Variants in ARK2C observed in about 807,000 individuals in gnomAD.
ARK2C encodes the protein arkadia (RNF111) C-terminal like ring finger ubiquitin ligase 2C.
the ARK2C span, among the ~76,000 whole-genome samples, chr18:46,370,128 G>A: frequency 1.3e-5 from 2 of 152,126 alleles, no homozygotes; most frequent in African/African-American, 4.8e-5. Flanking sequence ...ACCAATCTGG[G>A]TCCCCACTTC....
chr18:46,338,087 C>T, the ARK2C span, among the ~76,000 whole-genome samples: 2 of 152,140 alleles, frequency 1.3e-5, no homozygotes, highest in South Asian at 2.1e-4. Flanking sequence ...AACTAGCAAT[C>T]TTGTAGCATT....
the ARK2C span, among the ~76,000 whole-genome samples, chr18:46,444,679 T>C: frequency 1.3e-5 from 2 of 152,008 alleles, no homozygotes; most frequent in African/African-American, 4.8e-5. Flanking sequence ...CACTATGTTT[T>C]CTGGGCTAGC....
the ARK2C span, among the ~76,000 whole-genome samples, chr18:46,380,149 C>T: frequency 2.0e-5 from 3 of 152,224 alleles, no homozygotes; most frequent in East Asian, 1.9e-4. Context: ...TCTCCATCTT[C>T]GTGTCTCTGC....
At chr18:46,445,455 A>G in the ARK2C span, among the ~76,000 whole-genome samples, 5 of 152,282 alleles carry the variant, frequency 3.3e-5, no homozygotes, top group African/African-American at 1.2e-4. Flanking sequence ...CTCTTTGTTC[A>G]ACCTACTAAA....
chr18:46,423,386 TGGAGGCCA>T, the ARK2C span, among the ~76,000 whole-genome samples: 1 of 152,184 alleles, frequency 6.6e-6, no homozygotes, highest in Non-Finnish European at 1.5e-5. Flanking sequence ...CTATTCCCCA[TGGAGGCCA>T]GGAGCTAGTG....
chr18:46,445,306 G>T, the ARK2C span, among the ~76,000 whole-genome samples: 1,112 of 152,116 alleles, frequency 7.3e-3, 17 homozygotes, highest in East Asian at 0.029. Flanking sequence ...AGATCTTCCC[G>T]AATAAGACTC....
At chr18:46,460,904 C>G in the ARK2C span, 13 of 149,442 alleles carry the variant, frequency 8.7e-5, no homozygotes, top group African/African-American at 3.2e-4. Context: ...ACACTTGGCA[C>G]CCCCCCGCCC....
At chr18:46,360,667 A>C in the ARK2C span, among the ~76,000 whole-genome samples, 1 of 152,294 alleles carries the variant, frequency 6.6e-6, no homozygotes, top group Non-Finnish European at 1.5e-5. Flanking sequence ...CCTGGGGGCC[A>C]GGGGATGGGG....
At chr18:46,400,882 G>C in the ARK2C span, among the ~76,000 whole-genome samples, 2 of 152,144 alleles carry the variant, frequency 1.3e-5, no homozygotes, top group African/African-American at 4.8e-5. Context: ...GTCTCGTGCA[G>C]ACATTTACCA....
chr18:46,429,077 G>A, the ARK2C span, among the ~76,000 whole-genome samples: 3 of 152,104 alleles, frequency 2.0e-5, no homozygotes, highest in Non-Finnish European at 4.4e-5. Context: ...AAGGGGGTCC[G>A]GTGCCGCTTG....
At chr18:46,457,881 T>G in the ARK2C span, 4 of 152,470 alleles carry the variant, frequency 2.6e-5, no homozygotes, top group Non-Finnish European at 4.4e-5. Context: ...CCTGACACAG[T>G]CCCTCAGAGA....
the ARK2C span, among the ~76,000 whole-genome samples, chr18:46,448,805 C>T: frequency 1.3e-5 from 2 of 152,142 alleles, no homozygotes; most frequent in Non-Finnish European, 2.9e-5. Flanking sequence ...GAAGATATTC[C>T]ATGAAAGCAG....
At chr18:46,345,343 A>C in the ARK2C span, among the ~76,000 whole-genome samples, 13 of 152,124 alleles carry the variant, frequency 8.5e-5, no homozygotes, top group African/African-American at 3.1e-4. Flanking sequence ...GGGAGTGTTG[A>C]TTGAGGTGGG....
the ARK2C span, chr18:46,447,756 G>C: frequency 6.3e-7 from 1 of 1,599,826 alleles, no homozygotes; most frequent in African/African-American, 1.3e-5. Flanking sequence ...GAGGCCTGCG[G>C]TCCCCTGTGC....
the ARK2C span, among the ~76,000 whole-genome samples, chr18:46,444,518 G>T: frequency 6.6e-6 from 1 of 152,066 alleles, no homozygotes; most frequent in East Asian, 1.9e-4. Context: ...AGGCAGAAGT[G>T]CAGTGGTGGC....
chr18:46,444,814 T>C, the ARK2C span, among the ~76,000 whole-genome samples: 2 of 152,260 alleles, frequency 1.3e-5, no homozygotes, highest in Admixed American at 1.3e-4. Context: ...AAGTCACTAA[T>C]CTTTTCTTTT....
chr18:46,353,969 C>A, the ARK2C span, among the ~76,000 whole-genome samples: 1 of 152,040 alleles, frequency 6.6e-6, no homozygotes, highest in Non-Finnish European at 1.5e-5. Flanking sequence ...TTTAGCTCAC[C>A]CCCTCATTTT....
chr18:46,442,557 T>A, the ARK2C span, among the ~76,000 whole-genome samples: 3 of 152,202 alleles, frequency 2.0e-5, no homozygotes, highest in Admixed American at 2.0e-4. Flanking sequence ...TTGAGACTTG[T>A]TTTATGGTCC....
the ARK2C span, among the ~76,000 whole-genome samples, chr18:46,367,720 G>A: frequency 6.6e-6 from 1 of 152,182 alleles, no homozygotes; most frequent in Non-Finnish European, 1.5e-5. Context: ...CCAGTAGCCT[G>A]TGACTTTGTG....
Sources: allele counts gnomAD v4.1 joint callset (sites outside exome capture counted in the v4.1 genomes callset), GRCh38; gene constraint gnomAD v4.1.1; transcripts MANE v1.5; gene names NCBI Gene and HGNC (gene_info 2026-07-23, HGNC 2026-07-21).